Variants in TSHZ2 observed in about 807,000 individuals in gnomAD.
The protein encoded by TSHZ2 is teashirt zinc finger homeobox 2.
In TSHZ2, 21 loss-of-function variants were observed where a neutral mutation model predicts 74.4. That is an observed-to-expected ratio of 0.28 (90% confidence interval 0.20 to 0.41). The LOEUF (loss-of-function observed/expected upper bound fraction) is 0.41, where lower values mean the gene tolerates loss of function less well. Among genes scored for constraint, TSHZ2 ranks in the 10% least tolerant of loss-of-function variants. The pLI is 1.00. For synonymous variants in TSHZ2, 540 were observed against 515.3 expected (o/e 1.05, Z -0.65); for missense variants, 1,244 against 1,293.5 (o/e 0.96, Z 0.59).
chr20:53,149,040 G>A lies in TSHZ2; in HGVS notation c.41-104459G>A, dbSNP rs561343786. On this transcript the variant is annotated intron_variant, in intron 1 of 2. Transcript: ENST00000371497. ...TGGCTTACTTGATGCCAGTTTCTCC[G>A]TAGATAAATATTTCTGTGTTTTGAT... 5.3e-5 allele frequency among the ~76,000 whole-genome samples: 8 copies of A among 152,274 alleles called. No homozygotes were observed. The East Asian group carries it at 7.7e-4, about 15-fold the overall frequency.
intron 1 of TSHZ2, among the ~76,000 whole-genome samples, chr20:53,043,710 T>C (rs1191083054): frequency 6.6e-6 from 1 of 152,106 alleles, no homozygotes; most frequent in Non-Finnish European, 1.5e-5. Flanking sequence ...CATTCGAATA[T>C]AGGATTTGTA....
chr20:53,073,768 A>C (rs1600677100), intron 1 of TSHZ2, among the ~76,000 whole-genome samples: 1 of 152,190 alleles, frequency 6.6e-6, no homozygotes, highest in East Asian at 1.9e-4. Context: ...TAAAAAAAAA[A>C]ACTGGTCTAT....
intron 2 of TSHZ2, among the ~76,000 whole-genome samples, chr20:53,467,886 C>T (rs758271971): frequency 6.6e-6 from 1 of 152,110 alleles, no homozygotes; most frequent in Non-Finnish European, 1.5e-5. Flanking sequence ...TTCCCTAATA[C>T]GTAGTGTCTG....
At chr20:53,085,022 A>C (rs954239874) in intron 1 of TSHZ2, among the ~76,000 whole-genome samples, 2 of 152,078 alleles carry the variant, frequency 1.3e-5, no homozygotes, top group East Asian at 3.9e-4. Context: ...TATCATATAC[A>C]TGAAGAATTT....
intron 1 of TSHZ2, among the ~76,000 whole-genome samples, chr20:53,016,268 A>C (rs1266596403): frequency 6.6e-6 from 1 of 151,812 alleles, no homozygotes; most frequent in Admixed American, 6.6e-5. Context: ...TCCCCTCCCC[A>C]CTCATGACTT....
chr20:53,346,754 A>G (rs1801896674), intron 2 of TSHZ2, among the ~76,000 whole-genome samples: 1 of 152,212 alleles, frequency 6.6e-6, no homozygotes, highest in African/African-American at 2.4e-5. Context: ...TAGGTCATTG[A>G]GCATGGATTT....
At chr20:53,211,906 A>T (rs1295629728) in intron 1 of TSHZ2, among the ~76,000 whole-genome samples, 16 of 152,056 alleles carry the variant, frequency 1.1e-4, no homozygotes, top group Non-Finnish European at 2.9e-5. Flanking sequence ...CCCTCTTTGG[A>T]GTCCCTGGTG....
chr20:53,350,730 G>C (rs910041621), intron 2 of TSHZ2, among the ~76,000 whole-genome samples: 5 of 152,244 alleles, frequency 3.3e-5, no homozygotes, highest in Non-Finnish European at 5.9e-5. Flanking sequence ...GTGTTTAAAG[G>C]TAACTGTTTT....
At chr20:53,105,982 A>G (rs1331156438) in intron 1 of TSHZ2, among the ~76,000 whole-genome samples, 2 of 152,188 alleles carry the variant, frequency 1.3e-5, no homozygotes, top group East Asian at 1.9e-4. Flanking sequence ...TAATAATTGT[A>G]CATATTTATG....
intron 2 of TSHZ2, among the ~76,000 whole-genome samples, chr20:53,314,572 T>C (rs986268943): frequency 3.3e-5 from 5 of 150,804 alleles, no homozygotes; most frequent in Non-Finnish European, 7.4e-5. Context: ...ACCTGATTGC[T>C]CTCCTTCCAA....
chr20:53,198,417 T>A (rs954901954), intron 1 of TSHZ2: 3 of 152,148 alleles, frequency 2.0e-5, no homozygotes, highest in African/African-American at 7.2e-5. Flanking sequence ...CAAAACACCC[T>A]AGGAAGTAGG....
chr20:53,050,366 G>A (rs1373671490), intron 1 of TSHZ2, among the ~76,000 whole-genome samples: 1 of 151,972 alleles, frequency 6.6e-6, no homozygotes, highest in East Asian at 1.9e-4. Context: ...CAATGATGAG[G>A]TTAGTGTCTT....
chr20:53,355,493 G>A (rs1463889210), intron 2 of TSHZ2, among the ~76,000 whole-genome samples: 1 of 152,146 alleles, frequency 6.6e-6, no homozygotes, highest in Admixed American at 6.5e-5. Context: ...TAAGCTAAGT[G>A]AAAGAATCCA....
At chr20:53,468,473 T>TTTTG (rs1985626955) in intron 2 of TSHZ2, among the ~76,000 whole-genome samples, 2 of 152,122 alleles carry the variant, frequency 1.3e-5, no homozygotes, top group South Asian at 4.1e-4. Flanking sequence ...TGCCTGACAT[T>TTTTG]TTTGTTGTTG....
intron 1 of TSHZ2, chr20:53,178,098 T>G (rs546751925): frequency 6.6e-6 from 1 of 152,370 alleles, no homozygotes; most frequent in African/African-American, 2.4e-5. Flanking sequence ...TCCTACTGGT[T>G]GCATGACCTG....
At chr20:52,996,463 A>T (rs1055783462) in intron 1 of TSHZ2, among the ~76,000 whole-genome samples, 7 of 152,066 alleles carry the variant, frequency 4.6e-5, no homozygotes, top group African/African-American at 1.7e-4. Context: ...GAGGAAAAAA[A>T]TGACTGTATC....
chr20:53,205,715 C>T (rs1989151354), intron 1 of TSHZ2, among the ~76,000 whole-genome samples: 1 of 152,014 alleles, frequency 6.6e-6, no homozygotes, highest in South Asian at 2.1e-4. Context: ...TTGGAGGGTC[C>T]CTGGGAATGA....
At chr20:53,383,156 G>A (rs969076855) in intron 2 of TSHZ2, among the ~76,000 whole-genome samples, 4 of 151,986 alleles carry the variant, frequency 2.6e-5, no homozygotes, top group East Asian at 1.9e-4. Context: ...CCAGCTACTC[G>A]GGAGGCTGAG....
At chr20:53,242,929 C>A (rs961775138) in intron 1 of TSHZ2, among the ~76,000 whole-genome samples, 1 of 152,044 alleles carries the variant, frequency 6.6e-6, no homozygotes, top group African/African-American at 2.4e-5. Context: ...TTTGACCTGC[C>A]CTCTGGGAGC....
Sources: gnomAD v4.1 joint callset for allele counts (sites outside exome capture counted in the v4.1 genomes callset) on GRCh38, gnomAD v4.1.1 for gene constraint, MANE v1.5 for transcripts, NCBI Gene and HGNC (gene_info 2026-07-23, HGNC 2026-07-21) for gene names.